Variants in SLC6A11 observed in about 807,000 individuals in gnomAD.
SLC6A11 encodes the protein sodium- and chloride-dependent GABA transporter 3.
A neutral mutation model predicts 74.8 loss-of-function variants in SLC6A11; 25 were observed. The observed-to-expected ratio is 0.33, with a 90% CI of 0.24 to 0.47. SLC6A11 has a LOEUF of 0.47. SLC6A11 is among the 20% of genes least tolerant of loss of function. The probability of loss-of-function intolerance (pLI) is 1.00; values close to 1 mark genes in which losing one functional copy is unlikely to be tolerated. For missense variants in SLC6A11, 574 were observed against 837.0 expected, an observed-to-expected ratio of 0.69 and a Z score of 3.88; for synonymous variants, 330 against 330.2, an observed-to-expected ratio of 1.00 and a Z score of 0.01.
At chr3:10,870,534 A>G (rs1694817198) in intron 5 of SLC6A11, among the ~76,000 whole-genome samples, 1 of 152,160 alleles carries the variant, frequency 6.6e-6, no homozygotes, top group African/African-American at 2.4e-5. Flanking sequence ...TGTGTCACTT[A>G]TGTGCAGTCT....
At chr3:10,889,131 T>G (rs1466709200) in intron 6 of SLC6A11, among the ~76,000 whole-genome samples, 1 of 152,064 alleles carries the variant, frequency 6.6e-6, no homozygotes, top group Non-Finnish European at 1.5e-5. Flanking sequence ...CTGTTTTAAG[T>G]TTACAGAAAA....
chr3:10,858,940 T>C (rs1272873844), intron 5 of SLC6A11, among the ~76,000 whole-genome samples: 1 of 152,236 alleles, frequency 6.6e-6, no homozygotes, highest in African/African-American at 2.4e-5. Context: ...AAGTTCTTTA[T>C]GCCCAGAATG....
rs1290391816 is a variant in SLC6A11 at position 10,935,123 on chromosome 3, T to C, written c.1670T>C (p.Met557Thr). ...TGGGGCTATGGCATTGGCTGGCTCA[T>C]GGCCCTGTCCTCCATGCTCTGCATC... ...PAWGYGIGWL[M>T]ALSSMLCIPL... Residue 557 changes from methionine (M) to threonine (T), a missense_variant, in exon 13 of 14, where the codon ATG (methionine) becomes ACG (threonine). Around this residue, in one of 4 missense-constraint regions of SLC6A11, gnomAD observed 257 missense variants for 341.5 expected, o/e 0.75. Coordinates refer to ENST00000254488, the MANE Select transcript of SLC6A11 (RefSeq NM_014229.3). The C allele has an allele frequency of 6.2e-7, 1 of 1,614,234 alleles. No individual in the cohort carries two copies. Among genetic ancestry groups the C allele is most frequent in the African/African-American group, 1.3e-5 (1 of 75,074 alleles).
At chr3:10,867,181 G>A (rs1694772825) in intron 5 of SLC6A11, among the ~76,000 whole-genome samples, 1 of 152,150 alleles carries the variant, frequency 6.6e-6, no homozygotes. Context: ...GAGAGTGGGC[G>A]ATGGATTATG....
chr3:10,899,432 C>T (rs1695210681), intron 6 of SLC6A11, among the ~76,000 whole-genome samples: 1 of 152,210 alleles, frequency 6.6e-6, no homozygotes, highest in Admixed American at 6.5e-5. Flanking sequence ...TTCCTGCATC[C>T]TTGGTATGAC....
At chr3:10,934,447 G>A (rs951881469) in intron 12 of SLC6A11, among the ~76,000 whole-genome samples, 4 of 152,224 alleles carry the variant, frequency 2.6e-5, no homozygotes, top group Admixed American at 6.5e-5. Context: ...CGCTGGATCC[G>A]CCTCAGAGGG....
intron 6 of SLC6A11, among the ~76,000 whole-genome samples, chr3:10,904,206 C>A (rs1695275442): frequency 1.3e-5 from 2 of 152,224 alleles, no homozygotes; most frequent in Admixed American, 6.5e-5. Context: ...TCCATCCTTT[C>A]TTGCTTCTCC....
intron 6 of SLC6A11, among the ~76,000 whole-genome samples, chr3:10,885,653 C>A (rs1488973529): frequency 3.3e-5 from 5 of 151,670 alleles, no homozygotes; most frequent in Admixed American, 6.6e-5. Flanking sequence ...GGTTGAGATA[C>A]CCTGCCCTAG....
At chr3:10,916,845 G>A (rs572184058) in intron 7 of SLC6A11, among the ~76,000 whole-genome samples, 17 of 152,288 alleles carry the variant, frequency 1.1e-4, no homozygotes, top group African/African-American at 4.1e-4. Context: ...AAAAAATATT[G>A]CAGGGAGAAT....
At chr3:10,824,814 T>C (rs892981237) in intron 4 of SLC6A11, 1 of 152,194 alleles carries the variant, frequency 6.6e-6, no homozygotes, top group African/African-American at 2.4e-5. Context: ...AGTCTGTGCT[T>C]CCTTGAGTGG....
chr3:10,928,954 C>T (rs181510993), intron 9 of SLC6A11, among the ~76,000 whole-genome samples: 2 of 152,332 alleles, frequency 1.3e-5, no homozygotes, highest in East Asian at 1.9e-4. Context: ...CTGACTGCCA[C>T]GTCCTTGCTG....
At position 10,894,888 on chromosome 3, in the gene SLC6A11, C is replaced by T. The variant is rs148467788; in HGVS notation, c.892-17202C>T. Among the ~76,000 whole-genome samples, 40 of 152,262 alleles carry T rather than the reference C, an allele frequency of 2.6e-4. No homozygotes were observed. In the East Asian group the frequency reaches 6.2e-3, roughly 23 times the overall value. On this transcript the variant is annotated intron_variant, in intron 6 of 13. Coordinates refer to ENST00000254488, the MANE Select transcript of SLC6A11 (RefSeq NM_014229.3). ...GTTTATGGATTTCAAAACATCATGT[C>T]TAAACCACAAATATATAGAATTTTT...
intron 5 of SLC6A11, among the ~76,000 whole-genome samples, chr3:10,873,419 C>CCTATCCTATCCTATCCTATCCTATG (rs1694854795): frequency 6.8e-6 from 1 of 146,852 alleles, no homozygotes; most frequent in Admixed American, 6.8e-5. Flanking sequence ...CCTATCCTAT[C>CCTATCCTATCCTATCCTATCCTATG]CTATCCTATC....
chr3:10,851,404 A>G (rs1405550866), intron 5 of SLC6A11, among the ~76,000 whole-genome samples: 4 of 77,426 alleles, frequency 5.2e-5, no homozygotes, highest in Non-Finnish European at 1.3e-4. Flanking sequence ...GAGGCAAGGA[A>G]AAAAAAAAAA....
At chr3:10,895,001 C>T (rs531053174) in intron 6 of SLC6A11, among the ~76,000 whole-genome samples, 1 of 152,252 alleles carries the variant, frequency 6.6e-6, no homozygotes, top group South Asian at 2.1e-4. Context: ...GGGATTGAGT[C>T]TTTCAGGTAT....
chr3:10,873,885 A>G (rs929406203), intron 5 of SLC6A11, among the ~76,000 whole-genome samples: 1 of 152,084 alleles, frequency 6.6e-6, no homozygotes, highest in Non-Finnish European at 1.5e-5. Flanking sequence ...ATGTTATCCT[A>G]TGCTACTCTA....
At chr3:10,846,676 C>A (rs1294081961) in intron 5 of SLC6A11, among the ~76,000 whole-genome samples, 1 of 152,188 alleles carries the variant, frequency 6.6e-6, no homozygotes, top group Non-Finnish European at 1.5e-5. Flanking sequence ...GGAGATTTCA[C>A]AAGAGGCTTA....
chr3:10,831,743 C>T (rs976278775), intron 4 of SLC6A11, among the ~76,000 whole-genome samples: 1 of 152,180 alleles, frequency 6.6e-6, no homozygotes, highest in African/African-American at 2.4e-5. Context: ...AGTGAATAAG[C>T]TGTTACGTGT....
Position 10,847,758 on chromosome 3 carries a change from C to T in SLC6A11, c.756+3412C>T, listed in dbSNP as rs567950587. Among the ~76,000 whole-genome samples the T allele has an allele frequency of 3.3e-5, 5 of 152,260 alleles. No homozygotes were observed. In the South Asian group the frequency reaches 1.0e-3, roughly 32 times the overall value. The stretch of plus-strand genomic sequence containing the variant: ...GTAAGCTTTTCAGGGGAGGATCTGG[C>T]ACTTTTGTTCCTGGTTATGACTTGC... On this transcript the variant is annotated intron_variant, in intron 5 of 13. Transcript: ENST00000254488.
Sources: allele counts gnomAD v4.1 joint callset (sites outside exome capture counted in the v4.1 genomes callset), GRCh38; gene constraint gnomAD v4.1.1; regional missense constraint gnomAD v4.1.1; transcripts MANE v1.5; gene names NCBI Gene and HGNC (gene_info 2026-07-23, HGNC 2026-07-21).